CNTNAP5: variants seen among roughly 807,000 people sequenced by gnomAD.
CNTNAP5 encodes contactin associated protein family member 5, also known as contactin-associated protein-like 5.
CNTNAP5 carries 72 observed loss-of-function variants against 150.2 expected under a neutral mutation model. The observed-to-expected ratio is 0.48, with a 90% confidence interval of 0.40 to 0.58. The LOEUF (loss-of-function observed/expected upper bound fraction) is 0.58. Ranked by LOEUF, CNTNAP5 falls within the 20% of genes least tolerant of loss-of-function variation. The pLI is 0.00. For synonymous variants in CNTNAP5, 672 were observed against 619.8 expected (o/e 1.08, Z -1.25); for missense variants, 1,636 against 1,626.2 (o/e 1.01, Z -0.10).
intron 1 of CNTNAP5, among the ~76,000 whole-genome samples, chr2:124,101,303 A>G (rs911704589): frequency 6.6e-6 from 1 of 152,174 alleles, no homozygotes; most frequent in African/African-American, 2.4e-5. Context: ...TAATTTCTGC[A>G]AGTTTGTCTT....
chr2:124,124,675 T>A (rs1244525790), intron 1 of CNTNAP5, among the ~76,000 whole-genome samples: 1 of 152,174 alleles, frequency 6.6e-6, no homozygotes, highest in Non-Finnish European at 1.5e-5. Context: ...AAGGTCGGGT[T>A]ACCCACAAAG....
At chr2:124,134,937 T>C (rs1450823107) in intron 1 of CNTNAP5, 1 of 152,186 alleles carries the variant, frequency 6.6e-6, no homozygotes, top group Non-Finnish European at 1.5e-5. Context: ...GGTTTCTTTA[T>C]TTGTGTAACT....
rs758970724 is a variant in CNTNAP5, at chr2:124,025,601, G to T, written c.-50G>T. 1.3e-6 allele frequency: 2 copies of T among 1,549,460 alleles called. No individual in the cohort carries two copies. The highest frequency in any genetic ancestry group is 1.7e-5 in the Admixed American group (1 of 59,934). On this transcript the variant is annotated 5_prime_UTR_variant, in exon 1 of 24. Coordinates refer to ENST00000682447, the MANE Select transcript of CNTNAP5 (RefSeq NM_001367498.1). The stretch of plus-strand genomic sequence containing the variant: ...AGACAGCGAGAAGAAGCCGCGGCTG[G>T]CTACTGCGAATTTGGGATTCGATTG...
chr2:124,085,637 T>A (rs1682671262), intron 1 of CNTNAP5, among the ~76,000 whole-genome samples: 1 of 152,246 alleles, frequency 6.6e-6, no homozygotes, highest in South Asian at 2.1e-4. Context: ...GTGCATGCAG[T>A]TAGTCCTGTA....
chr2:124,057,616 A>G (rs917383778), intron 1 of CNTNAP5, among the ~76,000 whole-genome samples: 24 of 151,734 alleles, frequency 1.6e-4, no homozygotes, highest in African/African-American at 5.3e-4. Flanking sequence ...ATTCATAGAT[A>G]TATTACTTCT....
At chr2:124,781,821 G>A (rs750847522) in intron 17 of CNTNAP5, among the ~76,000 whole-genome samples, 17 of 152,126 alleles carry the variant, frequency 1.1e-4, no homozygotes, top group South Asian at 4.1e-4. Context: ...CTCAAGGACC[G>A]TTCTTTTCTA....
Position 124,772,685 on chromosome 2 carries a change from A to G in CNTNAP5, c.2534-114A>G, listed in dbSNP as rs1573607132. 31 of 730,042 alleles carry G rather than the reference A, an allele frequency of 4.2e-5. No individual in the cohort carries two copies. The South Asian group carries it at 5.1e-4, about 12-fold the overall frequency. The allele number at this position is 730,042 out of a possible 1,614,324, so 45.2% of individuals were successfully genotyped here. ...TGATTTCAGTGCTGCAGGGATTTCA[A>G]AAGAAGTCTTCTCTATATTGATACT... On this transcript the variant is annotated intron_variant, in intron 16 of 23. Transcript: ENST00000682447.
chr2:124,549,143 A>C (rs950319903), intron 10 of CNTNAP5, among the ~76,000 whole-genome samples: 1 of 152,218 alleles, frequency 6.6e-6, no homozygotes, highest in African/African-American at 2.4e-5. Context: ...ATCTTGCAAC[A>C]TGTCAAAATC....
intron 3 of CNTNAP5, among the ~76,000 whole-genome samples, chr2:124,275,469 T>C (rs1224050768): frequency 2.6e-5 from 4 of 152,038 alleles, no homozygotes; most frequent in African/African-American, 9.7e-5. Flanking sequence ...CCTAAATCCA[T>C]ATTTTCAAAT....
intron 21 of CNTNAP5, 104 bp from the exon 22 acceptor site, chr2:124,902,778 C>A: frequency 1.4e-6 from 1 of 722,380 alleles, no homozygotes. Context: ...CAAACAATAA[C>A]AAGGTAATTT....
At chr2:124,198,026 T>C (rs1261434504) in intron 1 of CNTNAP5, among the ~76,000 whole-genome samples, 2 of 151,734 alleles carry the variant, frequency 1.3e-5, no homozygotes, top group East Asian at 3.9e-4. Flanking sequence ...AAACAATACG[T>C]AGGTATTCCA....
chr2:124,711,198 G>A (rs1028190717), intron 13 of CNTNAP5, among the ~76,000 whole-genome samples: 1 of 152,070 alleles, frequency 6.6e-6, no homozygotes, highest in Non-Finnish European at 1.5e-5. Context: ...TTGAACCTGG[G>A]AGGCGGAGGT....
chr2:124,052,783 C>T (rs556100164), intron 1 of CNTNAP5, among the ~76,000 whole-genome samples: 1 of 152,342 alleles, frequency 6.6e-6, no homozygotes, highest in South Asian at 2.1e-4. Flanking sequence ...CTCAGCCCTC[C>T]TTTGCAGCTC....
intron 5 of CNTNAP5, among the ~76,000 whole-genome samples, chr2:124,440,952 A>G (rs949833206): frequency 2.0e-5 from 3 of 152,142 alleles, no homozygotes; most frequent in African/African-American, 7.2e-5. Flanking sequence ...GAGTTTGATA[A>G]TTTCGTGAGA....
At chr2:124,086,058 G>C (rs1682681069) in intron 1 of CNTNAP5, among the ~76,000 whole-genome samples, 1 of 152,078 alleles carries the variant, frequency 6.6e-6, no homozygotes, top group South Asian at 2.1e-4. Context: ...ATCATGTAGA[G>C]AATGATGTGG....
intron 1 of CNTNAP5, among the ~76,000 whole-genome samples, chr2:124,203,200 G>A (rs1685771818): frequency 6.6e-6 from 1 of 152,104 alleles, no homozygotes; most frequent in Non-Finnish European, 1.5e-5. Context: ...AATCCAGCAG[G>A]GGAATCAAAT....
chr2:124,221,452 G>A (rs193289884), intron 1 of CNTNAP5, among the ~76,000 whole-genome samples: 9 of 152,164 alleles, frequency 5.9e-5, no homozygotes, highest in Non-Finnish European at 1.2e-4. Flanking sequence ...CTATTTTCTA[G>A]CATTGAGACC....
At chr2:124,174,449 A>T (rs539902358) in intron 1 of CNTNAP5, among the ~76,000 whole-genome samples, 2 of 152,302 alleles carry the variant, frequency 1.3e-5, no homozygotes, top group South Asian at 4.1e-4. Flanking sequence ...CATTAACAGG[A>T]GTTTAGAAGA....
At chr2:124,503,723 C>T (rs542198661) in intron 7 of CNTNAP5, among the ~76,000 whole-genome samples, 1 of 152,256 alleles carries the variant, frequency 6.6e-6, no homozygotes, top group Non-Finnish European at 1.5e-5. Context: ...TCCTGTCCCA[C>T]GAACTACTTA....
Sources: allele counts gnomAD v4.1 joint callset (sites outside exome capture counted in the v4.1 genomes callset), GRCh38; gene constraint gnomAD v4.1.1; transcripts MANE v1.5; gene names NCBI Gene and HGNC (gene_info 2026-07-23, HGNC 2026-07-21).